Variants in PCDH7 observed in about 807,000 individuals in gnomAD.
The protein encoded by PCDH7 is protocadherin-7.
A neutral mutation model predicts 58.9 loss-of-function variants in PCDH7; 17 were observed. The observed-to-expected ratio is 0.29, with a 90% CI of 0.20 to 0.43. PCDH7 has a LOEUF of 0.43. Among genes scored for constraint, PCDH7 ranks in the 20% least tolerant of loss-of-function variants. The pLI, the probability that PCDH7 is intolerant of heterozygous loss-of-function variation, is 1.00. For synonymous variants in PCDH7, 664 were observed against 616.4 expected, an observed-to-expected ratio of 1.08 and a Z score of -1.14; for missense variants, 1,274 against 1,441.0, an observed-to-expected ratio of 0.88 and a Z score of 1.88.
At chr4:30,894,322 A>G (rs1265683948) in intron 1 of PCDH7, among the ~76,000 whole-genome samples, 1 of 151,202 alleles carries the variant, frequency 6.6e-6, no homozygotes, top group Non-Finnish European at 1.5e-5. Context: ...AGAAAATAGT[A>G]TCACTGTCTG....
At chr4:30,826,739 T>C (rs1729131210) in intron 1 of PCDH7, among the ~76,000 whole-genome samples, 1 of 152,082 alleles carries the variant, frequency 6.6e-6, no homozygotes, top group Non-Finnish European at 1.5e-5. Flanking sequence ...TCTTACTTTA[T>C]TTTTGAGACA....
chr4:30,752,288 A>G (rs1718632923), intron 1 of PCDH7, among the ~76,000 whole-genome samples: 1 of 152,106 alleles, frequency 6.6e-6, no homozygotes, highest in African/African-American at 2.4e-5. Flanking sequence ...GCCTGCCACC[A>G]TGCCCAGCTA....
At chr4:30,781,486 C>T (rs1402764927) in intron 1 of PCDH7, among the ~76,000 whole-genome samples, 1 of 151,260 alleles carries the variant, frequency 6.6e-6, no homozygotes, top group African/African-American at 2.4e-5. Flanking sequence ...ACTCTGAAGT[C>T]AGGGCCAAGT....
chr4:30,816,438 C>T (rs1360580349), intron 1 of PCDH7, among the ~76,000 whole-genome samples: 3 of 152,158 alleles, frequency 2.0e-5, no homozygotes, highest in African/African-American at 7.2e-5. Context: ...ACTTTTGACA[C>T]TGACCTTTTA....
At chr4:30,866,657 G>A (rs1250239550) in intron 1 of PCDH7, among the ~76,000 whole-genome samples, 1 of 151,022 alleles carries the variant, frequency 6.6e-6, no homozygotes, top group Admixed American at 6.6e-5. Context: ...TCTGGCCATG[G>A]CCATAAAAGG....
intron 3 of PCDH7, among the ~76,000 whole-genome samples, chr4:30,972,460 G>C (rs1193820101): frequency 6.6e-6 from 1 of 152,094 alleles, no homozygotes. Context: ...GGGCCACTCT[G>C]TCATCTACAA....
intron 3 of PCDH7, among the ~76,000 whole-genome samples, chr4:31,080,624 A>C (rs879809510): frequency 6.6e-6 from 1 of 152,172 alleles, no homozygotes; most frequent in African/African-American, 2.4e-5. Context: ...TTCATATTGC[A>C]TTTATTCATG....
chr4:30,738,902 C>T (rs1235060604), intron 1 of PCDH7, among the ~76,000 whole-genome samples: 1 of 151,768 alleles, frequency 6.6e-6, no homozygotes, highest in African/African-American at 2.4e-5. Flanking sequence ...TTTCTCATGG[C>T]ATATGGAAAC....
exon 2 of PCDH7, chr4:30,731,361 G>GTGTATATATA (rs1553874736): frequency 1.3e-5 from 2 of 149,840 alleles, no homozygotes; most frequent in African/African-American, 4.9e-5. Flanking sequence ...GTGTGTGTGT[G>GTGTATATATA]TATATATATA....
intron 1 of PCDH7, among the ~76,000 whole-genome samples, chr4:30,827,758 A>G (rs568730358): frequency 4.6e-5 from 7 of 152,150 alleles, no homozygotes; most frequent in Non-Finnish European, 8.8e-5. Context: ...ACAGAACATG[A>G]TTCGTATTCT....
At chr4:31,060,897 A>G (rs187568180) in intron 3 of PCDH7, among the ~76,000 whole-genome samples, 2 of 151,868 alleles carry the variant, frequency 1.3e-5, no homozygotes, top group South Asian at 2.1e-4. Flanking sequence ...CTATTTTTGC[A>G]TTAAATTTCA....
At chr4:30,791,693 T>C (rs1724140578) in intron 1 of PCDH7, among the ~76,000 whole-genome samples, 1 of 152,178 alleles carries the variant, frequency 6.6e-6, no homozygotes, top group Non-Finnish European at 1.5e-5. Flanking sequence ...AATTCAAATA[T>C]AATTCAAATC....
intron 3 of PCDH7, among the ~76,000 whole-genome samples, chr4:31,091,075 T>C (rs1413283532): frequency 1.3e-5 from 2 of 152,052 alleles, no homozygotes; most frequent in Non-Finnish European, 2.9e-5. Context: ...GTTCATTTTT[T>C]AGACTTTCCT....
chr4:30,832,540 C>T (rs1425954431), intron 1 of PCDH7, among the ~76,000 whole-genome samples: 1 of 152,112 alleles, frequency 6.6e-6, no homozygotes, highest in African/African-American at 2.4e-5. Flanking sequence ...GAGCTTAAAT[C>T]CATTTCTGTC....
chr4:30,945,788 T>C (rs923106422), intron 2 of PCDH7, among the ~76,000 whole-genome samples: 1 of 152,152 alleles, frequency 6.6e-6, no homozygotes, highest in African/African-American at 2.4e-5. Context: ...ATTCCTCCTT[T>C]GCAAAGGTTT....
At chr4:30,846,613 G>A (rs139559162) in intron 1 of PCDH7, among the ~76,000 whole-genome samples, 34 of 152,110 alleles carry the variant, frequency 2.2e-4, no homozygotes, top group African/African-American at 7.7e-4. Flanking sequence ...AGCATCCTTG[G>A]TGTCTACTTA....
At chr4:31,037,144 G>A (rs774277276) in intron 3 of PCDH7, among the ~76,000 whole-genome samples, 4 of 152,026 alleles carry the variant, frequency 2.6e-5, no homozygotes, top group African/African-American at 4.8e-5. Flanking sequence ...CATCTCCTGC[G>A]TTTTGAGTTA....
intron 1 of PCDH7, among the ~76,000 whole-genome samples, chr4:30,856,185 G>T (rs955242017): frequency 7.8e-6 from 1 of 127,470 alleles, no homozygotes; most frequent in Non-Finnish European, 1.7e-5. Flanking sequence ...AGAATTAACA[G>T]ATTACCAAAA....
chr4:30,857,564 T>C (rs1185903178), intron 1 of PCDH7, among the ~76,000 whole-genome samples: 1 of 152,126 alleles, frequency 6.6e-6, no homozygotes. Flanking sequence ...CTGAGGATCT[T>C]AGTTCTTGGA....
Sources: gnomAD v4.1 joint callset for allele counts (sites outside exome capture counted in the v4.1 genomes callset) on GRCh38, gnomAD v4.1.1 for gene constraint, MANE v1.5 for transcripts, NCBI Gene and HGNC (gene_info 2026-07-23, HGNC 2026-07-21) for gene names.